The following RIT2 variants were observed in gnomAD, a reference collection of about 807,000 sequenced individuals.
RIT2 encodes Ras like without CAAX 2.
RIT2 carries 24 observed loss-of-function variants against 23.7 expected under a neutral mutation model. That is an observed-to-expected ratio of 1.01 (90% CI 0.73 to 1.43). The LOEUF is 1.43. Ranked by LOEUF, RIT2 falls within the 40% of genes most tolerant of loss-of-function variation. The pLI is 0.00. For missense variants in RIT2, 236 were observed against 266.9 expected (o/e 0.88, Z 0.81); for synonymous variants, 107 against 91.1 (o/e 1.17, Z -0.99).
rs556139004 is a variant in RIT2 at position 42,877,978 on chromosome 18, C to A, written c.426+45594G>T. On this transcript the variant is annotated intron_variant, in intron 4 of 4. Transcript: ENST00000326695. Reference sequence around the variant, plus strand: ...GACTTCGGTCTCATTCCCAAGATACCATATTATGTATGTGCAAATTTTTCA... The same window carrying A: ...GACTTCGGTCTCATTCCCAAGATACAATATTATGTATGTGCAAATTTTTCA... 5.9e-5 allele frequency among the ~76,000 whole-genome samples: 9 copies of A among 151,594 alleles called. No individual in the cohort carries two copies. In the South Asian group the frequency reaches 1.9e-3, roughly 32 times the overall value.
intron 2 of RIT2, among the ~76,000 whole-genome samples, chr18:42,999,906 A>G (rs1000416660): frequency 1.3e-5 from 2 of 152,102 alleles, no homozygotes; most frequent in Non-Finnish European, 2.9e-5. Context: ...TAACATTTGT[A>G]AAGAAAGAAT....
intron 1 of RIT2, among the ~76,000 whole-genome samples, chr18:43,079,785 G>A (rs1365717940): frequency 2.0e-5 from 3 of 152,232 alleles, no homozygotes; most frequent in African/African-American, 4.8e-5. Flanking sequence ...ACTCACTGTC[G>A]GTCAGTGAAG....
intron 2 of RIT2, among the ~76,000 whole-genome samples, chr18:43,020,970 A>C (rs911546121): frequency 6.6e-6 from 1 of 152,084 alleles, no homozygotes; most frequent in Non-Finnish European, 1.5e-5. Flanking sequence ...TTCATGTCAA[A>C]TACCGCAAAA....
At chr18:42,881,634 T>C (rs945595431) in intron 4 of RIT2, among the ~76,000 whole-genome samples, 2 of 152,246 alleles carry the variant, frequency 1.3e-5, no homozygotes, top group African/African-American at 4.8e-5. Flanking sequence ...CTGCATACTC[T>C]GTTATCTTTA....
intron 2 of RIT2, among the ~76,000 whole-genome samples, chr18:42,978,710 A>G (rs1283870131): frequency 6.6e-6 from 1 of 152,120 alleles, no homozygotes; most frequent in Admixed American, 6.6e-5. Context: ...ATCTCAAAGT[A>G]CTAATGTTTA....
intron 1 of RIT2, among the ~76,000 whole-genome samples, chr18:43,099,501 T>A (rs1006732292): frequency 1.3e-4 from 19 of 151,282 alleles, no homozygotes; most frequent in African/African-American, 4.6e-4. Flanking sequence ...TAAAAAATAA[T>A]AACTTCAGAC....
At chr18:42,931,447 C>T (rs1238829808) in intron 3 of RIT2, among the ~76,000 whole-genome samples, 1 of 152,098 alleles carries the variant, frequency 6.6e-6, no homozygotes, top group Non-Finnish European at 1.5e-5. Flanking sequence ...ATTTCATTCT[C>T]TAGCATTAGT....
chr18:43,070,204 T>C (rs1164972096), intron 1 of RIT2, among the ~76,000 whole-genome samples: 1 of 152,114 alleles, frequency 6.6e-6, no homozygotes, highest in Non-Finnish European at 1.5e-5. Flanking sequence ...TAAGGAAGCA[T>C]ATCACCATAT....
At chr18:42,919,303 T>C (rs767763829) in intron 4 of RIT2, among the ~76,000 whole-genome samples, 6 of 152,160 alleles carry the variant, frequency 3.9e-5, no homozygotes, top group Non-Finnish European at 8.8e-5. Flanking sequence ...TTCAACTCAG[T>C]ACTTCAAGAG....
chr18:43,057,014 T>C (rs1240108858), intron 1 of RIT2, among the ~76,000 whole-genome samples: 1 of 124,248 alleles, frequency 8.0e-6, no homozygotes, highest in Non-Finnish European at 1.6e-5. Context: ...CTTGTTCTGA[T>C]GATCAAGGGT....
intron 4 of RIT2, among the ~76,000 whole-genome samples, chr18:42,917,263 C>T (rs1369167324): frequency 2.6e-5 from 4 of 152,114 alleles, no homozygotes; most frequent in Non-Finnish European, 1.5e-5. Flanking sequence ...CTGATTCTTT[C>T]AACTACATCA....
chr18:42,766,185 T>C (rs1280488709), intron 4 of RIT2, among the ~76,000 whole-genome samples: 1 of 151,570 alleles, frequency 6.6e-6, no homozygotes, highest in Non-Finnish European at 1.5e-5. Context: ...CAGGCAGAGG[T>C]TGGAATAGTT....
intron 4 of RIT2, among the ~76,000 whole-genome samples, chr18:42,874,133 G>C (rs1487377217): frequency 2.0e-5 from 3 of 152,106 alleles, no homozygotes; most frequent in Non-Finnish European, 4.4e-5. Flanking sequence ...ACCTTGGAGA[G>C]GCTTAAACAA....
At chr18:43,078,858 T>C (rs2144345073) in intron 1 of RIT2, among the ~76,000 whole-genome samples, 1 of 152,268 alleles carries the variant, frequency 6.6e-6, no homozygotes, top group Non-Finnish European at 1.5e-5. Flanking sequence ...TCCAAGGGCA[T>C]CTACAGAGTC....
At chr18:42,786,427 C>A (rs1453157570) in intron 4 of RIT2, among the ~76,000 whole-genome samples, 1 of 152,004 alleles carries the variant, frequency 6.6e-6, no homozygotes, top group African/African-American at 2.4e-5. Context: ...TACCATTATG[C>A]CTTTAGAACT....
At chr18:42,961,449 T>C (rs564050896) in intron 3 of RIT2, among the ~76,000 whole-genome samples, 1 of 152,332 alleles carries the variant, frequency 6.6e-6, no homozygotes, top group South Asian at 2.1e-4. Context: ...TGTGGACTCT[T>C]ATCAAGACTC....
At chr18:43,024,751 C>T (rs1216891710) in intron 2 of RIT2, among the ~76,000 whole-genome samples, 1 of 150,522 alleles carries the variant, frequency 6.6e-6, no homozygotes, top group Non-Finnish European at 1.5e-5. Context: ...AACAAAATAG[C>T]TCATTATAAA....
chr18:42,977,080 GT>G (rs1910492818), intron 2 of RIT2, among the ~76,000 whole-genome samples: 1 of 151,990 alleles, frequency 6.6e-6, no homozygotes, highest in Admixed American at 6.6e-5. Flanking sequence ...TTTTAGAAAC[GT>G]TGACTTTGCC....
At chr18:42,876,112 G>A (rs778453242) in intron 4 of RIT2, among the ~76,000 whole-genome samples, 106 of 151,904 alleles carry the variant, frequency 7.0e-4, no homozygotes, top group Admixed American at 2.6e-4. Flanking sequence ...TGAACTATAC[G>A]GACTCAAAAA....
Sources: allele counts gnomAD v4.1 joint callset (sites outside exome capture counted in the v4.1 genomes callset), GRCh38; gene constraint gnomAD v4.1.1; transcripts MANE v1.5; gene names NCBI Gene and HGNC (gene_info 2026-07-23, HGNC 2026-07-21).